The following MYT1L variants were observed in gnomAD, a reference collection of about 807,000 sequenced individuals.
MYT1L encodes the protein myelin transcription factor 1 like.
In MYT1L, 12 loss-of-function variants were observed where a neutral mutation model predicts 126.7. The observed-to-expected ratio is 0.09, with a 90% CI of 0.06 to 0.15. The LOEUF is 0.15. Among genes scored for constraint, MYT1L ranks in the 10% least tolerant of loss-of-function variants. The probability of loss-of-function intolerance (pLI) is 1.00; values close to 1 mark genes in which losing one functional copy is unlikely to be tolerated. For synonymous variants in MYT1L, 541 were observed against 604.2 expected (o/e 0.90, Z 1.53); for missense variants, 979 against 1,585.2 (o/e 0.62, Z 6.49).
At chr2:2,284,572 T>C (rs1214408735) in intron 1 of MYT1L, 69 bp from the exon 2 acceptor site, 1 of 152,192 alleles carries the variant, frequency 6.6e-6, no homozygotes, top group African/African-American at 2.4e-5. Flanking sequence ...TTAATGGGAA[T>C]GGATAGTTTC....
At chr2:1,951,626 C>T (rs528425230) in intron 8 of MYT1L, among the ~76,000 whole-genome samples, 104 of 152,288 alleles carry the variant, frequency 6.8e-4, no homozygotes, top group African/African-American at 2.5e-3. Flanking sequence ...CAGGATCTGC[C>T]CCTGTTTAAC....
At position 1,903,145 on chromosome 2, in the gene MYT1L, T is replaced by C. The variant is rs2148959398; in HGVS notation, c.1967A>G (p.Tyr656Cys). The change falls in exon 14 of 25, where the codon TAT (tyrosine) becomes TGT (cysteine). Residue 656 changes from tyrosine to cysteine, a missense_variant. Around this residue, in one of 12 missense-constraint regions of MYT1L, gnomAD observed 82 missense variants for 177.2 expected, o/e 0.46. Transcript: ENST00000647738. Reference protein sequence around the residue: ...FEYNSYDNHTYGKRAIAPKVQ... With the variant: ...FEYNSYDNHTCGKRAIAPKVQ... ...CTTGGGAGCTATGGCTCGCTTGCCA[T>C]AAGTATGGTTGTCGTAACTGTTGTA... The C allele has an allele frequency of 6.2e-7, 1 of 1,614,034 alleles. No homozygotes were observed. The highest frequency in any genetic ancestry group is 1.1e-5 in the South Asian group (1 of 91,090).
At chr2:2,237,647 C>T (rs1330819089) in intron 2 of MYT1L, among the ~76,000 whole-genome samples, 7 of 152,192 alleles carry the variant, frequency 4.6e-5, no homozygotes, top group African/African-American at 9.7e-5. Context: ...AGGGATGCCT[C>T]GCCTGGAGCA....
Position 1,793,344 on chromosome 2 carries a change from G to A in MYT1L, c.3277-880C>T, listed in dbSNP as rs903000960. Among the ~76,000 whole-genome samples, 22 of 152,230 alleles carry A rather than the reference G, an allele frequency of 1.4e-4. No individual in the cohort carries two copies. Among genetic ancestry groups the A allele is most frequent in the African/African-American group, 4.8e-4 (20 of 41,466 alleles). On this transcript the variant is annotated intron_variant, in intron 23 of 24. Transcript: ENST00000647738. This position sits in a 1 kb window ranked among gnomAD's most constrained non-coding sequence, Gnocchi z 4.6. The stretch of plus-strand genomic sequence containing the variant: ...GCAGGCGGGGAGCTGCCCTGCCCAT[G>A]GGGGTGTCTGCCTTGGGCACCCAAG...
rs1481525564 is a variant in MYT1L at position 1,793,083 on chromosome 2, T to C, written c.3277-619A>G. Among the ~76,000 whole-genome samples the C allele has an allele frequency of 6.6e-6, 1 of 152,072 alleles. No homozygotes were observed. The highest frequency in any genetic ancestry group is 1.5e-5 in the Non-Finnish European group (1 of 68,010). ...CTTCTCCTTTCTAGCCTGAATAAAA[T>C]TCTGCCACAGCTAAGTCCTCCAATG... On this transcript the variant is annotated intron_variant, in intron 23 of 24. Coordinates refer to ENST00000647738, the MANE Select transcript of MYT1L (RefSeq NM_001303052.2). This position sits in a 1 kb window ranked among gnomAD's most constrained non-coding sequence, Gnocchi z 4.6.
chr2:2,006,418 A>T (rs2063336273), intron 4 of MYT1L, among the ~76,000 whole-genome samples: 1 of 152,206 alleles, frequency 6.6e-6, no homozygotes, highest in African/African-American at 2.4e-5. Flanking sequence ...CCAACACAGT[A>T]TAATTTTATT....
At chr2:1,926,433 A>G (rs906974558) in intron 9 of MYT1L, among the ~76,000 whole-genome samples, 11 of 152,214 alleles carry the variant, frequency 7.2e-5, no homozygotes, top group African/African-American at 2.7e-4. Flanking sequence ...AATTAGTCAC[A>G]TGATGGCATG....
At chr2:1,958,002 A>C (rs2058648398) in intron 8 of MYT1L, among the ~76,000 whole-genome samples, 1 of 152,198 alleles carries the variant, frequency 6.6e-6, no homozygotes, top group African/African-American at 2.4e-5. Flanking sequence ...AGGGAAGCTC[A>C]CGCATGCCCC....
intron 1 of MYT1L, among the ~76,000 whole-genome samples, chr2:2,302,696 G>A (rs2095802493): frequency 6.6e-6 from 1 of 152,166 alleles, no homozygotes; most frequent in Admixed American, 6.5e-5. Flanking sequence ...TCAAATTCTT[G>A]TAACTCTTAG....
At chr2:1,863,474 T>C (rs1275083497) in intron 18 of MYT1L, among the ~76,000 whole-genome samples, 3 of 152,188 alleles carry the variant, frequency 2.0e-5, no homozygotes, top group African/African-American at 7.2e-5. Context: ...GTGTTGAGAT[T>C]CCGACATTCA....
intron 8 of MYT1L, among the ~76,000 whole-genome samples, chr2:1,953,254 C>T (rs762771715): frequency 5.3e-5 from 8 of 152,328 alleles, no homozygotes; most frequent in Middle Eastern, 3.4e-3. Context: ...TGGGCCACCA[C>T]GCCCAGCGTC....
chr2:2,042,059 T>C (rs1021437892), intron 4 of MYT1L, among the ~76,000 whole-genome samples: 4 of 152,178 alleles, frequency 2.6e-5, no homozygotes, highest in Non-Finnish European at 4.4e-5. Flanking sequence ...TGTAAGTCTG[T>C]TTAAAGCCAG....
At chr2:2,211,405 CG>C (rs957923895) in intron 2 of MYT1L, among the ~76,000 whole-genome samples, 95 of 152,198 alleles carry the variant, frequency 6.2e-4, no homozygotes, top group African/African-American at 2.1e-3. Flanking sequence ...CTTCATGTAT[CG>C]TTTTTTTTAA....
intron 18 of MYT1L, among the ~76,000 whole-genome samples, chr2:1,860,997 A>G (rs1307194669): frequency 6.6e-6 from 1 of 151,960 alleles, no homozygotes; most frequent in African/African-American, 2.4e-5. Flanking sequence ...ACACACACAC[A>G]CACTTGTGCA....
chr2:2,285,757 G>A (rs1042194095), intron 1 of MYT1L, among the ~76,000 whole-genome samples: 8 of 152,174 alleles, frequency 5.3e-5, no homozygotes, highest in Admixed American at 3.9e-4. Flanking sequence ...GTCAGACACT[G>A]CAGGTTCAGT....
intron 21 of MYT1L, among the ~76,000 whole-genome samples, chr2:1,809,422 G>T (rs78217895): frequency 6.6e-6 from 1 of 151,930 alleles, no homozygotes; most frequent in Non-Finnish European, 1.5e-5. Flanking sequence ...CTTGGCGGGG[G>T]GTCTTGGGAG....
intron 3 of MYT1L, among the ~76,000 whole-genome samples, chr2:2,145,813 A>T (rs1196256986): frequency 6.6e-6 from 1 of 152,266 alleles, no homozygotes; most frequent in East Asian, 1.9e-4. Context: ...TATATAAATT[A>T]ATTTGGCTTA....
intron 3 of MYT1L, among the ~76,000 whole-genome samples, chr2:2,146,024 T>G (rs1201570818): frequency 6.6e-6 from 1 of 152,220 alleles, no homozygotes. Flanking sequence ...TTTTCCCATC[T>G]TAACAAAGGG....
At chr2:2,084,114 T>C (rs545338917) in intron 3 of MYT1L, among the ~76,000 whole-genome samples, 1 of 151,160 alleles carries the variant, frequency 6.6e-6, no homozygotes, top group African/African-American at 2.4e-5. Flanking sequence ...GCTGATGACT[T>C]CCTATACTCA....
Sources: allele counts gnomAD v4.1 joint callset (sites outside exome capture counted in the v4.1 genomes callset), GRCh38; gene constraint gnomAD v4.1.1; regional missense constraint gnomAD v4.1.1; non-coding constraint Gnocchi (gnomAD v3.1); transcripts MANE v1.5; gene names NCBI Gene and HGNC (gene_info 2026-07-23, HGNC 2026-07-21).